The following CCDC91 variants were observed in gnomAD, a reference collection of about 807,000 sequenced individuals.
The protein encoded by CCDC91 is coiled-coil domain-containing protein 91.
CCDC91 carries 48 observed loss-of-function variants against 63.2 expected under a neutral mutation model. The ratio of observed to expected loss-of-function variants is 0.76; its 90% CI spans 0.60 to 0.97. The LOEUF is 0.97. Ranked by LOEUF, CCDC91 falls within the 50% of genes least tolerant of loss-of-function variation. The pLI is 0.00. For missense variants in CCDC91, 500 were observed against 494.6 expected (o/e 1.01, Z -0.10); for synonymous variants, 167 against 165.8 (o/e 1.01, Z -0.06).
Position 28,495,196 on chromosome 12 carries a change from C to T in CCDC91, c.1215+11031C>T, listed in dbSNP as rs987684079. Among the ~76,000 whole-genome samples, 9 of 151,672 alleles carry T rather than the reference C, an allele frequency of 5.9e-5. No homozygotes were observed. In the South Asian group the frequency reaches 6.2e-4, roughly 10 times the overall value. On this transcript the variant is annotated intron_variant, in intron 12 of 12. Transcript: ENST00000536442. ...CTATCTGTGATATTATTGCGATAGA[C>T]GTTTTCAAGGATGGGCAATCTCCTC...
Position 28,362,491 on chromosome 12 carries a change from C to T in CCDC91, c.630C>T (p.Leu210=), listed in dbSNP as rs758479417. 1.9e-6 allele frequency: 3 copies of T among 1,597,222 alleles called. No homozygotes were observed. In the East Asian group the frequency reaches 6.8e-5, roughly 36 times the overall value. Residue 210 remains leucine, a synonymous_variant, in exon 7 of 13, where the codon CTC becomes CTT. Coordinates refer to ENST00000536442, the MANE Select transcript of CCDC91 (RefSeq NM_018318.5). ...EDMRKAGHEA[L]SIIVDEYKAL... ...TGAGGAAAGCTGGTCACGAAGCCCT[C>T]AGCATTATTGTGGATGAATATAAGG...
chr12:28,267,598 T>C (rs973323554), intron 3 of CCDC91, among the ~76,000 whole-genome samples: 1 of 142,420 alleles, frequency 7.0e-6, no homozygotes, highest in African/African-American at 2.6e-5. Flanking sequence ...TCTTTGACTC[T>C]GAACAGTGTC....
At chr12:28,353,457 T>G (rs1474777688) in intron 6 of CCDC91, among the ~76,000 whole-genome samples, 1 of 152,230 alleles carries the variant, frequency 6.6e-6, no homozygotes, top group Non-Finnish European at 1.5e-5. Context: ...CAGCTTTTCA[T>G]ATGCCTTCCT....
chr12:28,540,568 A>T (rs1942555829), intron 12 of CCDC91, among the ~76,000 whole-genome samples: 1 of 152,182 alleles, frequency 6.6e-6, no homozygotes, highest in African/African-American at 2.4e-5. Context: ...TTTGGGTGTC[A>T]TATGCACCTG....
In CCDC91 at chr12:28,496,946, A is replaced by G. The variant is rs1464267326; in HGVS notation, c.1215+12781A>G. On this transcript the variant is annotated intron_variant, in intron 12 of 12. Transcript: ENST00000536442. ...TATATATATACATATATATATACAT[A>G]TATATATATATATATGTAGGATTTT... is the stretch of plus-strand genomic sequence containing the variant. 1.3e-4 allele frequency among the ~76,000 whole-genome samples: 17 copies of G among 127,584 alleles called. 1 individual carries two copies. Among genetic ancestry groups the G allele is most frequent in the Admixed American group, 1.2e-3 (16 of 12,966 alleles). 83.7% of individuals were successfully genotyped at this position (127,584 alleles called of 152,430 possible).
At chr12:28,235,512 A>G (rs11049474) in intron 1 of CCDC91, among the ~76,000 whole-genome samples, 31,178 of 151,798 alleles carry the variant, frequency 0.21, 4,199 homozygotes, top group Non-Finnish European at 0.31. Context: ...CTTCATTATA[A>G]TAAGGACTAC....
At chr12:28,322,734 A>G (rs1940634083) in intron 6 of CCDC91, among the ~76,000 whole-genome samples, 1 of 151,772 alleles carries the variant, frequency 6.6e-6, no homozygotes, top group Admixed American at 6.6e-5. Context: ...ATAATTTTAT[A>G]CTTTATGGAT....
intron 8 of CCDC91, among the ~76,000 whole-genome samples, chr12:28,401,027 C>A (rs1460844186): frequency 1.3e-5 from 2 of 152,168 alleles, no homozygotes; most frequent in African/African-American, 4.8e-5. Context: ...TTCCTCTGAG[C>A]TCTCCAAATG....
At chr12:28,383,055 A>G (rs1945389975) in intron 7 of CCDC91, among the ~76,000 whole-genome samples, 1 of 152,116 alleles carries the variant, frequency 6.6e-6, no homozygotes, top group Admixed American at 6.6e-5. Context: ...TGTGTTGTCC[A>G]TGGCACAAAA....
At chr12:28,546,820 A>T (rs2141879142) in intron 12 of CCDC91, among the ~76,000 whole-genome samples, 1 of 152,204 alleles carries the variant, frequency 6.6e-6, no homozygotes, top group South Asian at 2.1e-4. Context: ...CTCTGGGAAG[A>T]AATTTGGCAA....
chr12:28,539,053 A>G (rs1212760333), intron 12 of CCDC91, among the ~76,000 whole-genome samples: 1 of 152,084 alleles, frequency 6.6e-6, no homozygotes, highest in African/African-American at 2.4e-5. Flanking sequence ...CCCATTCTGT[A>G]GGTTGCCTGT....
intron 1 of CCDC91, among the ~76,000 whole-genome samples, chr12:28,227,717 G>T (rs1565639238): frequency 6.6e-6 from 1 of 151,934 alleles, no homozygotes; most frequent in Non-Finnish European, 1.5e-5. Flanking sequence ...TTATTGCATA[G>T]ATTTCCCTCA....
chr12:28,338,040 T>G (rs908005994), intron 6 of CCDC91, among the ~76,000 whole-genome samples: 1 of 152,178 alleles, frequency 6.6e-6, no homozygotes, highest in Admixed American at 6.5e-5. Flanking sequence ...GTCTTGAATT[T>G]ACAGTCTATA....
intron 7 of CCDC91, among the ~76,000 whole-genome samples, chr12:28,368,401 G>A (rs921784669): frequency 9.2e-5 from 14 of 152,090 alleles, no homozygotes; most frequent in African/African-American, 3.4e-4. Context: ...GATCTATCCT[G>A]TGCACTTGAG....
At chr12:28,366,348 G>A (rs752263048) in intron 7 of CCDC91, among the ~76,000 whole-genome samples, 1 of 152,138 alleles carries the variant, frequency 6.6e-6, no homozygotes, top group African/African-American at 2.4e-5. Flanking sequence ...ATAGCAATGG[G>A]CGTATAGAAA....
chr12:28,538,768 C>G (rs11049704), intron 12 of CCDC91, among the ~76,000 whole-genome samples: 29,460 of 151,500 alleles, frequency 0.19, 3,588 homozygotes, highest in Non-Finnish European at 0.28. Flanking sequence ...TCCAGCACCT[C>G]TTGTTTCCTG....
chr12:28,267,309 AT>A (rs1281480206), intron 3 of CCDC91, among the ~76,000 whole-genome samples: 1 of 151,570 alleles, frequency 6.6e-6, no homozygotes, highest in African/African-American at 2.4e-5. Context: ...TTCCACAATA[AT>A]TTGGAGACCT....
chr12:28,343,165 G>T (rs906707149), intron 6 of CCDC91, among the ~76,000 whole-genome samples: 1 of 146,594 alleles, frequency 6.8e-6, no homozygotes, highest in Admixed American at 7.0e-5. Flanking sequence ...GTGAGAGCAG[G>T]AGATATACAC....
At chr12:28,451,973 T>A (rs1000499523) in intron 10 of CCDC91, among the ~76,000 whole-genome samples, 6 of 151,650 alleles carry the variant, frequency 4.0e-5, no homozygotes, top group African/African-American at 1.4e-4. Context: ...TGTCTTCTGT[T>A]AAGTCAGATA....
Sources: allele counts gnomAD v4.1 joint callset (sites outside exome capture counted in the v4.1 genomes callset), GRCh38; gene constraint gnomAD v4.1.1; transcripts MANE v1.5; gene names NCBI Gene and HGNC (gene_info 2026-07-23, HGNC 2026-07-21).